Variants in ZNF512 observed in about 807,000 individuals in gnomAD.
The protein encoded by ZNF512 is zinc finger protein 512.
Under a neutral mutation model 77.5 loss-of-function variants are expected in ZNF512, and 25 were observed. That is an observed-to-expected ratio of 0.32 (90% CI 0.23 to 0.45). The LOEUF is 0.45. ZNF512 is among the 20% of genes least tolerant of loss of function. The probability of loss-of-function intolerance (pLI) is 1.00; values close to 1 mark genes in which losing one functional copy is unlikely to be tolerated. For missense variants in ZNF512, 483 were observed against 692.6 expected, an observed-to-expected ratio of 0.70 and a Z score of 3.40; for synonymous variants, 246 against 239.9, an observed-to-expected ratio of 1.03 and a Z score of -0.24.
At chr2:27,613,073 A>G (rs899737265) in intron 10 of ZNF512, among the ~76,000 whole-genome samples, 1 of 152,110 alleles carries the variant, frequency 6.6e-6, no homozygotes, top group Non-Finnish European at 1.5e-5. Context: ...AAGATAACCA[A>G]ACTCATTCGT....
intron 10 of ZNF512, among the ~76,000 whole-genome samples, chr2:27,614,400 G>A (rs896617268): frequency 9.9e-5 from 15 of 152,142 alleles, no homozygotes; most frequent in African/African-American, 3.1e-4. Flanking sequence ...ATTCTATTCC[G>A]TGATTTCTCT....
At chr2:27,602,608 A>G in intron 8 of ZNF512, 47 bp downstream of exon 8, 1 of 1,524,628 alleles carries the variant, frequency 6.6e-7, no homozygotes, top group Non-Finnish European at 8.9e-7. Flanking sequence ...TTCTCAGGTC[A>G]ATGTCTTTCG....
intron 10 of ZNF512, among the ~76,000 whole-genome samples, 198 bp from the exon 11 acceptor site, chr2:27,614,970 A>G (rs1442997730): frequency 3.3e-5 from 5 of 152,122 alleles, no homozygotes; most frequent in African/African-American, 9.7e-5. Context: ...TTAAAAATCA[A>G]ACTTTTCTAA....
chr2:27,611,323 T>C (rs1007482818), intron 10 of ZNF512, among the ~76,000 whole-genome samples: 1 of 152,194 alleles, frequency 6.6e-6, no homozygotes, highest in African/African-American at 2.4e-5. Flanking sequence ...GTGTCCTTGA[T>C]GCTGTTGAAG....
chr2:27,599,149 G>T (rs545991611), intron 3 of ZNF512, among the ~76,000 whole-genome samples: 2 of 152,206 alleles, frequency 1.3e-5, no homozygotes, highest in African/African-American at 4.8e-5. Flanking sequence ...ACCATGGCTG[G>T]CCCCCCTTTT....
chr2:27,585,631 A>G (rs1671289771), intron 2 of ZNF512, among the ~76,000 whole-genome samples: 1 of 152,220 alleles, frequency 6.6e-6, no homozygotes, highest in Non-Finnish European at 1.5e-5. Flanking sequence ...TACAAAGGAT[A>G]CCGAGATGAA....
chr2:27,590,080 T>C (rs569558022), intron 2 of ZNF512, among the ~76,000 whole-genome samples: 1 of 152,246 alleles, frequency 6.6e-6, no homozygotes, highest in Non-Finnish European at 1.5e-5. Flanking sequence ...AGGTGGCTAA[T>C]AGTGCAGTTC....
chr2:27,614,418 C>CTGTTTTA (rs1254991273), intron 10 of ZNF512, among the ~76,000 whole-genome samples: 2 of 152,130 alleles, frequency 1.3e-5, no homozygotes, highest in East Asian at 1.9e-4. Flanking sequence ...TCTCACATCC[C>CTGTTTTA]TGTTTTATGT....
Position 27,600,803 on chromosome 2 carries a change from A to G in ZNF512, c.570A>G (p.Glu190=). ...TAGAGGGTTTAAAGAAACACATGGAAAACTGCAAGCAGGTTAGATATTTTG... is the reference window on the plus strand; with the variant it reads ...TAGAGGGTTTAAAGAAACACATGGAGAACTGCAAGCAGGTTAGATATTTTG... ...KTIEGLKKHM[E]NCKQEMFTCH... Residue 190 remains glutamate (E), a synonymous_variant, in exon 6 of 14, where the codon GAA becomes GAG. Coordinates refer to ENST00000355467, the MANE Select transcript of ZNF512 (RefSeq NM_032434.4). 6.2e-7 allele frequency: 1 copy of G among 1,611,950 alleles called. No homozygotes were observed. The highest frequency in any genetic ancestry group is 1.1e-5 in the South Asian group (1 of 90,384).
chr2:27,603,343 A>G (rs1470162255), intron 9 of ZNF512, 36 bp downstream of exon 9: 1 of 1,606,730 alleles, frequency 6.2e-7, no homozygotes, highest in Admixed American at 1.7e-5. Context: ...CTGCGTGGGG[A>G]TGTATTTCGT....
chr2:27,599,605 G>A lies in ZNF512; in HGVS notation c.300G>A (p.Lys100=). Residue 100 remains lysine (K), a synonymous_variant, in exon 4 of 14, where the codon AAG becomes AAA. Coordinates refer to ENST00000355467, the MANE Select transcript of ZNF512 (RefSeq NM_032434.4). The part of the protein sequence containing the change: ...HVEGSGGVSA[K]GKRKPRQEED... The stretch of plus-strand genomic sequence containing the variant: ...CAGGGTCAGGTGGAGTATCAGCCAA[G>A]GGGAAAAGGAAACCCAGGCAGGAAG... 2.5e-6 allele frequency: 4 copies of A among 1,614,144 alleles called. No individual in the cohort carries two copies. The highest frequency in any genetic ancestry group is 3.4e-6 in the Non-Finnish European group (4 of 1,179,998).
intron 10 of ZNF512, among the ~76,000 whole-genome samples, chr2:27,611,610 T>A (rs1672667992): frequency 6.6e-6 from 1 of 152,084 alleles, no homozygotes; most frequent in Non-Finnish European, 1.5e-5. Context: ...GGATATTTTG[T>A]GGGGAGATGG....
intron 2 of ZNF512, among the ~76,000 whole-genome samples, chr2:27,595,616 G>T (rs188170430): frequency 1.6e-3 from 251 of 152,272 alleles, no homozygotes; most frequent in African/African-American, 5.8e-3. Flanking sequence ...GAGCCACTGT[G>T]CCCGGTGGAG....
intron 9 of ZNF512, 99 bp from the exon 10 acceptor site, chr2:27,607,746 G>A: frequency 9.0e-7 from 1 of 1,114,548 alleles, no homozygotes; most frequent in Admixed American, 2.1e-5. Flanking sequence ...CTACTACATA[G>A]CTCTTTTGAT....
intron 13 of ZNF512, among the ~76,000 whole-genome samples, chr2:27,619,238 C>G (rs1251063388): frequency 4.6e-5 from 7 of 152,086 alleles, no homozygotes; most frequent in African/African-American, 1.7e-4. Flanking sequence ...GGTGAAACCC[C>G]ATCTCTACTA....
intron 12 of ZNF512, among the ~76,000 whole-genome samples, chr2:27,616,545 A>G (rs1198375937): frequency 6.6e-6 from 1 of 152,202 alleles, no homozygotes; most frequent in South Asian, 2.1e-4. Flanking sequence ...GTCATTATCA[A>G]TTTAAAGGAA....
chr2:27,621,147 C>T lies in ZNF512; in HGVS notation c.1396-6C>T, dbSNP rs753960508. On this transcript the variant is annotated splice_polypyrimidine_tract_variant and splice_region_variant and intron_variant, in intron 13 of 13. Transcript: ENST00000355467. ...ACTGGATGACATTTCTATTTTGCCT[C>T]TCTAGGACTGGTTCGTTGTAAACCC... 2 of 1,612,882 alleles carry T rather than the reference C, an allele frequency of 1.2e-6. No homozygotes were observed. Among genetic ancestry groups the T allele is most frequent in the South Asian group, 2.2e-5 (2 of 90,956 alleles).
chr2:27,600,825 T>C lies in ZNF512; in HGVS notation c.582+10T>C. 1 of 1,606,018 alleles carries C rather than the reference T, an allele frequency of 6.2e-7. No individual in the cohort carries two copies. Among genetic ancestry groups the C allele is most frequent in the Non-Finnish European group, 8.5e-7 (1 of 1,177,428 alleles). On this transcript the variant is annotated intron_variant, in intron 6 of 13. Coordinates refer to ENST00000355467, the MANE Select transcript of ZNF512 (RefSeq NM_032434.4). ...GGAAAACTGCAAGCAGGTTAGATAT[T>C]TTGGCGTTTCATAACTGTTACGATA...
At chr2:27,601,659 G>GT (rs1382261438) in intron 7 of ZNF512, among the ~76,000 whole-genome samples, 1 of 150,710 alleles carries the variant, frequency 6.6e-6, no homozygotes, top group Non-Finnish European at 1.5e-5. Flanking sequence ...GTTTTGTTTT[G>GT]TTTTTTGAGA....
Sources: allele counts gnomAD v4.1 joint callset (sites outside exome capture counted in the v4.1 genomes callset), GRCh38; gene constraint gnomAD v4.1.1; transcripts MANE v1.5; gene names NCBI Gene and HGNC (gene_info 2026-07-23, HGNC 2026-07-21).